CIDEC: variants seen among roughly 807,000 people sequenced by gnomAD.
The protein encoded by CIDEC is cell death inducing DFFA like effector c.
In CIDEC, 11 loss-of-function variants were observed where a neutral mutation model predicts 21.9. That is an observed-to-expected ratio of 0.50 (90% CI 0.32 to 0.83). The LOEUF is 0.83. CIDEC is among the 40% of genes least tolerant of loss of function. CIDEC has a pLI of 0.04. For missense variants in CIDEC, 302 were observed against 302.3 expected (o/e 1.00, Z 0.01); for synonymous variants, 127 against 124.9 (o/e 1.02, Z -0.11).
At chr3:9,874,518 AAATAATAATAATAAT>A (rs56760493) in intron 4 of CIDEC, among the ~76,000 whole-genome samples, 1,773 of 144,116 alleles carry the variant, frequency 0.012, 31 homozygotes, top group African/African-American at 0.043. Context: ...CCTTTCTCTA[AAATAATAATAATAAT>A]AATAATAATA....
chr3:9,868,801 A>G (rs1483194593), intron 6 of CIDEC, among the ~76,000 whole-genome samples: 1 of 152,118 alleles, frequency 6.6e-6, no homozygotes, highest in Non-Finnish European at 1.5e-5. Flanking sequence ...CCAATTTTGT[A>G]TGTATACATT....
chr3:9,878,924 TGG>T lies in CIDEC; in HGVS notation c.-26+16_-26+17del. On this transcript the variant is annotated intron_variant, in intron 2 of 6. Coordinates refer to ENST00000336832, the MANE Select transcript of CIDEC (RefSeq NM_001321142.2). ...GGTGAGTCACACCACCTCACACTTC[TGG>T]GGACCGTTCCCTCACCTCTAGTCCA... is the stretch of plus-strand genomic sequence containing the variant. The T allele has an allele frequency of 1.0e-6, 1 of 1,002,966 alleles. No individual in the cohort carries two copies. The highest frequency in any genetic ancestry group is 1.4e-5 in the South Asian group (1 of 72,644). The allele number at this position is 1,002,966 out of a possible 1,614,324, so 62.1% of individuals were successfully genotyped here. A position where few individuals can be genotyped will look rare whatever the true frequency, so the allele number is the denominator to read the frequency against.
At chr3:9,873,329 C>T (rs1177845261) in intron 4 of CIDEC, among the ~76,000 whole-genome samples, 1 of 152,094 alleles carries the variant, frequency 6.6e-6, no homozygotes, top group Non-Finnish European at 1.5e-5. Flanking sequence ...AATGTCATGA[C>T]GGCCGGGTGC....
At chr3:9,868,069 G>A (rs2082297603) in intron 6 of CIDEC, among the ~76,000 whole-genome samples, 1 of 152,126 alleles carries the variant, frequency 6.6e-6, no homozygotes. Flanking sequence ...CACTGAGGTG[G>A]TAGCACTAAA....
intron 6 of CIDEC, among the ~76,000 whole-genome samples, 162 bp from the exon 7 acceptor site, chr3:9,867,458 A>G (rs1052602159): frequency 5.3e-5 from 8 of 151,808 alleles, no homozygotes; most frequent in Non-Finnish European, 7.4e-5. Flanking sequence ...TGTCTCTACT[A>G]AAAATACAAA....
At chr3:9,878,097 C>T in intron 3 of CIDEC, 2 of 269,856 alleles carry the variant, frequency 7.4e-6, no homozygotes, top group Non-Finnish European at 1.4e-5. Context: ...ATTGAGAGCA[C>T]CCACTATGTG....
rs754291958 is a variant in CIDEC at position 9,877,118 on chromosome 3, C to T, written c.155G>A (p.Arg52Gln). Residue 52 changes from arginine (R) to glutamine (Q), a missense_variant, in exon 4 of 7, where the codon CGA becomes CAA. Arg to Gln is a conservative substitution (Grantham distance 43, BLOSUM62 1). Coordinates refer to ENST00000336832, the MANE Select transcript of CIDEC (RefSeq NM_001321142.2). The stretch of plus-strand genomic sequence containing the variant: ...AGCCATGATGCCCTTCCTCACGCTT[C>T]GATCCGCCGTGCTTACGCGGCAGGG... Reference protein sequence around the residue: ...ARPCRVSTADRSVRKGIMAYS... With the variant: ...ARPCRVSTADQSVRKGIMAYS... The T allele has an allele frequency of 2.8e-5, 43 of 1,553,084 alleles. No homozygotes were observed. In the Admixed American group the frequency reaches 4.3e-4, roughly 16 times the overall value.
intron 4 of CIDEC, among the ~76,000 whole-genome samples, chr3:9,872,178 A>T (rs1575450628): frequency 7.6e-6 from 1 of 132,448 alleles, no homozygotes; most frequent in African/African-American, 3.0e-5. Flanking sequence ...AATGATGCTG[A>T]GCCTTTTTTT....
intron 2 of CIDEC, 51 bp from the exon 3 acceptor site, chr3:9,878,562 T>A: frequency 1.3e-6 from 2 of 1,509,440 alleles, no homozygotes; most frequent in East Asian, 4.5e-5. Flanking sequence ...AGGGTTCCCA[T>A]CTCTCTCATT....
At chr3:9,867,395 G>A (rs1465451943) in intron 6 of CIDEC, 99 bp from the exon 7 acceptor site, 22 of 1,289,880 alleles carry the variant, frequency 1.7e-5, no homozygotes, top group Middle Eastern at 2.2e-4. Context: ...CATGGAGGGC[G>A]GGTAACCTGA....
chr3:9,870,053 A>G lies in CIDEC; in HGVS notation c.383T>C (p.Leu128Pro), dbSNP rs775886775. ...CTTGGCAGGCTTATGGGAGAGGGACAGTGGGTGCCTTGTCCCCTGCATTGA... is the reference window on the plus strand; with the variant it reads ...CTTGGCAGGCTTATGGGAGAGGGACGGTGGGTGCCTTGTCCCCTGCATTGA... Reference protein sequence around the residue: ...PPSEQGTRHPLSLSHKPAKKI... With the variant: ...PPSEQGTRHPPSLSHKPAKKI... Residue 128 changes from leucine to proline, a missense_variant, in exon 6 of 7, where the codon CTG (leucine) becomes CCG (proline). By Grantham distance (98) the Leu-to-Pro change is moderately conservative (BLOSUM62 -3). Coordinates refer to ENST00000336832, the MANE Select transcript of CIDEC (RefSeq NM_001321142.2). 1.7e-5 allele frequency: 27 copies of G among 1,614,104 alleles called. No individual in the cohort carries two copies. In the African/African-American group the frequency reaches 2.5e-4, roughly 15 times the overall value.
intron 1 of CIDEC, among the ~76,000 whole-genome samples, 164 bp downstream of exon 1, chr3:9,880,060 G>T (rs1189734618): frequency 6.8e-6 from 1 of 147,142 alleles, no homozygotes; most frequent in Non-Finnish European, 1.5e-5. Context: ...CACTGCAGAA[G>T]CTCTAGTCCT....
Position 9,870,326 on chromosome 3 carries a change from G to A in CIDEC, c.208-4C>T, listed in dbSNP as rs775194728. On this transcript the variant is annotated splice_region_variant and splice_polypyrimidine_tract_variant and intron_variant, in intron 4 of 6. Transcript: ENST00000336832. ...CCAGCATCAGAGTGTCCCGGACCTG[G>A]GGAATAAGGTCAGTGATGCTTCTGC... is the stretch of plus-strand genomic sequence containing the variant. The A allele has an allele frequency of 3.1e-6, 5 of 1,612,832 alleles. No individual in the cohort carries two copies. Among genetic ancestry groups the A allele is most frequent in the South Asian group, 2.2e-5 (2 of 91,074 alleles).
intron 6 of CIDEC, among the ~76,000 whole-genome samples, chr3:9,868,065 G>C (rs1282398301): frequency 6.6e-6 from 1 of 152,124 alleles, no homozygotes; most frequent in Non-Finnish European, 1.5e-5. Flanking sequence ...ATACCACTGA[G>C]GTGGTAGCAC....
intron 4 of CIDEC, among the ~76,000 whole-genome samples, chr3:9,876,019 G>A (rs1485433186): frequency 6.6e-6 from 1 of 152,182 alleles, no homozygotes; most frequent in African/African-American, 2.4e-5. Context: ...CGGAAGAACA[G>A]AACTAATACA....
intron 5 of CIDEC, 33 bp from the exon 6 acceptor site, chr3:9,870,102 T>C (rs2082326742): frequency 6.2e-7 from 1 of 1,613,954 alleles, no homozygotes; most frequent in Non-Finnish European, 8.5e-7. Context: ...TTAGCACCCC[T>C]TGAAGACATC....
chr3:9,869,708 T>C (rs1487411229), intron 6 of CIDEC, among the ~76,000 whole-genome samples, 174 bp downstream of exon 6: 1 of 152,206 alleles, frequency 6.6e-6, no homozygotes, highest in African/African-American at 2.4e-5. Context: ...CACACGCCGG[T>C]GTCGTCCACA....
chr3:9,873,594 C>T (rs892730398), intron 4 of CIDEC, among the ~76,000 whole-genome samples: 6 of 151,750 alleles, frequency 4.0e-5, no homozygotes, highest in South Asian at 2.1e-4. Context: ...CCAGCCTGGG[C>T]GACAGAGTGA....
chr3:9,872,879 C>G (rs562610181), intron 4 of CIDEC, among the ~76,000 whole-genome samples: 2 of 152,178 alleles, frequency 1.3e-5, no homozygotes, highest in East Asian at 3.9e-4. Context: ...GTCCCAGCTG[C>G]TCAGAAGGCT....
Sources: allele counts gnomAD v4.1 joint callset (sites outside exome capture counted in the v4.1 genomes callset), GRCh38; gene constraint gnomAD v4.1.1; transcripts MANE v1.5; gene names NCBI Gene and HGNC (gene_info 2026-07-23, HGNC 2026-07-21).